The following TTC7B variants were observed in gnomAD, a reference collection of about 807,000 sequenced individuals.
The protein encoded by TTC7B is tetratricopeptide repeat protein 7B.
In TTC7B, 28 loss-of-function variants were observed where a neutral mutation model predicts 106.8. The ratio of observed to expected loss-of-function variants is 0.26; its 90% CI spans 0.19 to 0.36. The LOEUF is 0.36. Ranked by LOEUF, TTC7B falls within the 10% of genes least tolerant of loss-of-function variation. TTC7B has a pLI of 1.00. For missense variants in TTC7B, 862 were observed against 1,076.4 expected, an observed-to-expected ratio of 0.80 and a Z score of 2.79; for synonymous variants, 405 against 430.6, an observed-to-expected ratio of 0.94 and a Z score of 0.74.
At chr14:90,662,527 C>T (rs749199817) in intron 9 of TTC7B, among the ~76,000 whole-genome samples, 15 of 152,222 alleles carry the variant, frequency 9.9e-5, no homozygotes, top group Admixed American at 2.0e-4. Flanking sequence ...AGTTGTAGAG[C>T]TTCTGCCTGA....
intron 19 of TTC7B, chr14:90,567,513 T>C (rs2139791392): frequency 6.6e-6 from 1 of 152,250 alleles, no homozygotes; most frequent in South Asian, 2.1e-4. Context: ...CCCCCGTCCA[T>C]CAGAGTGGAG....
intron 3 of TTC7B, chr14:90,766,488 A>T: frequency 1.5e-6 from 1 of 672,920 alleles, no homozygotes; most frequent in Non-Finnish European, 2.7e-6. Context: ...CCAATAAGAA[A>T]TTCTGGACAG....
At chr14:90,549,163 A>C (rs1051172974) in intron 19 of TTC7B, among the ~76,000 whole-genome samples, 9 of 151,814 alleles carry the variant, frequency 5.9e-5, no homozygotes, top group African/African-American at 1.7e-4. Flanking sequence ...TAGCATCTGC[A>C]AGTCAGCCAC....
intron 1 of TTC7B, among the ~76,000 whole-genome samples, chr14:90,788,038 AC>A (rs1447043761): frequency 6.6e-6 from 1 of 151,824 alleles, no homozygotes; most frequent in Non-Finnish European, 1.5e-5. Flanking sequence ...GGTGGTGTGC[AC>A]CTGTAATCCC....
At chr14:90,631,567 C>A (rs529597067) in intron 15 of TTC7B, among the ~76,000 whole-genome samples, 1 of 151,852 alleles carries the variant, frequency 6.6e-6, no homozygotes, top group South Asian at 2.1e-4. Context: ...TGTTACCACA[C>A]CCGGCTAATT....
At chr14:90,550,365 T>C (rs919485133) in intron 19 of TTC7B, among the ~76,000 whole-genome samples, 11 of 152,234 alleles carry the variant, frequency 7.2e-5, no homozygotes, top group African/African-American at 2.4e-4. Flanking sequence ...ATGGGATGCA[T>C]GTAATTTGCG....
intron 5 of TTC7B, among the ~76,000 whole-genome samples, chr14:90,704,010 G>C (rs1374406552): frequency 6.6e-6 from 1 of 152,222 alleles, no homozygotes; most frequent in East Asian, 1.9e-4. Flanking sequence ...ACATGGCAAG[G>C]GGAACAAGTA....
intron 1 of TTC7B, among the ~76,000 whole-genome samples, chr14:90,814,941 A>T (rs2031090719): frequency 6.6e-6 from 1 of 152,346 alleles, no homozygotes; most frequent in South Asian, 2.1e-4. Flanking sequence ...TGCATCCATC[A>T]TTGAGAGTGC....
chr14:90,654,597 G>A (rs1885868623), intron 12 of TTC7B, among the ~76,000 whole-genome samples: 1 of 152,146 alleles, frequency 6.6e-6, no homozygotes, highest in Non-Finnish European at 1.5e-5. Flanking sequence ...CTTCCTGGAA[G>A]TGTCTGGCCC....
intron 1 of TTC7B, among the ~76,000 whole-genome samples, chr14:90,804,420 C>T (rs1469066494): frequency 6.6e-6 from 1 of 152,108 alleles, no homozygotes; most frequent in Non-Finnish European, 1.5e-5. Context: ...TGAGTCCTGG[C>T]CTGGTGGTGT....
intron 1 of TTC7B, among the ~76,000 whole-genome samples, chr14:90,791,549 C>T (rs1891585269): frequency 6.6e-6 from 1 of 152,142 alleles, no homozygotes; most frequent in South Asian, 2.1e-4. Context: ...TTAAAGACTA[C>T]ACATCCCAGG....
chr14:90,795,807 C>G (rs575510942), intron 1 of TTC7B, among the ~76,000 whole-genome samples: 2 of 152,286 alleles, frequency 1.3e-5, no homozygotes, highest in Non-Finnish European at 2.9e-5. Flanking sequence ...GTTCAACAGG[C>G]CTGCAATGTA....
intron 18 of TTC7B, among the ~76,000 whole-genome samples, chr14:90,587,310 A>G (rs940998681): frequency 3.9e-5 from 6 of 152,238 alleles, no homozygotes; most frequent in Admixed American, 3.3e-4. Context: ...TGATTTTAGG[A>G]TTAACTAAAA....
At chr14:90,775,391 G>C (rs1293391879) in intron 3 of TTC7B, among the ~76,000 whole-genome samples, 1 of 152,078 alleles carries the variant, frequency 6.6e-6, no homozygotes, top group African/African-American at 2.4e-5. Context: ...AGACCCAGTG[G>C]GGTGAAAATA....
intron 15 of TTC7B, among the ~76,000 whole-genome samples, chr14:90,627,404 C>T (rs759384445): frequency 2.0e-5 from 3 of 152,180 alleles, no homozygotes; most frequent in South Asian, 2.1e-4. Flanking sequence ...TCAGTGTGAG[C>T]GCAAGGCTGC....
At chr14:90,606,602 T>G (rs1326391031) in intron 17 of TTC7B, among the ~76,000 whole-genome samples, 5 of 152,202 alleles carry the variant, frequency 3.3e-5, no homozygotes, top group African/African-American at 1.2e-4. Context: ...GTAAAGACTG[T>G]CACTCTATTT....
At chr14:90,719,149 AC>A (rs1321614959) in intron 5 of TTC7B, among the ~76,000 whole-genome samples, 3 of 152,078 alleles carry the variant, frequency 2.0e-5, no homozygotes, top group African/African-American at 7.2e-5. Context: ...GGTGGCACGC[AC>A]CTGCAGTCCC....
intron 9 of TTC7B, among the ~76,000 whole-genome samples, chr14:90,662,869 A>C (rs1886264641): frequency 6.6e-6 from 1 of 152,244 alleles, no homozygotes; most frequent in African/African-American, 2.4e-5. Flanking sequence ...CACTTTACCC[A>C]GATTCAATGT....
intron 5 of TTC7B, among the ~76,000 whole-genome samples, chr14:90,706,250 C>A (rs1379814857): frequency 6.6e-6 from 1 of 151,830 alleles, no homozygotes; most frequent in Non-Finnish European, 1.5e-5. Flanking sequence ...GCAAGCTCCA[C>A]CTCCCGGGTT....
Sources: gnomAD v4.1 joint callset for allele counts (sites outside exome capture counted in the v4.1 genomes callset) on GRCh38, gnomAD v4.1.1 for gene constraint, MANE v1.5 for transcripts, NCBI Gene and HGNC (gene_info 2026-07-23, HGNC 2026-07-21) for gene names.